Variants in ITGA9 observed in about 807,000 individuals in gnomAD.
ITGA9 encodes the protein integrin alpha-9.
ITGA9 carries 56 observed loss-of-function variants against 127.8 expected under a neutral mutation model. The observed-to-expected ratio is 0.44, with a 90% confidence interval of 0.35 to 0.55. The LOEUF (loss-of-function observed/expected upper bound fraction) is 0.55, where lower values mean the gene tolerates loss of function less well. ITGA9 is among the 20% of genes least tolerant of loss of function. ITGA9 has a pLI of 0.00. For synonymous variants in ITGA9, 508 were observed against 514.5 expected (o/e 0.99, Z 0.17); for missense variants, 1,196 against 1,347.1 (o/e 0.89, Z 1.76).
At chr3:37,766,173 CT>C (rs1237323709) in intron 23 of ITGA9, among the ~76,000 whole-genome samples, 4 of 152,242 alleles carry the variant, frequency 2.6e-5, no homozygotes, top group African/African-American at 7.2e-5. Context: ...CTGCCAAGGA[CT>C]AATTGTGTAT....
At chr3:37,701,722 G>A (rs1700948488) in intron 18 of ITGA9, among the ~76,000 whole-genome samples, 1 of 152,210 alleles carries the variant, frequency 6.6e-6, no homozygotes, top group Non-Finnish European at 1.5e-5. Context: ...GAACATCAGT[G>A]GGGTCTGCGA....
chr3:37,464,483 C>T (rs1365297407), intron 1 of ITGA9, among the ~76,000 whole-genome samples: 7 of 152,102 alleles, frequency 4.6e-5, no homozygotes, highest in Admixed American at 1.3e-4. Flanking sequence ...GTTTTATAAA[C>T]ATTCTTTTGC....
At chr3:37,585,715 T>G in intron 15 of ITGA9, 1 of 494,980 alleles carries the variant, frequency 2.0e-6, no homozygotes, top group Non-Finnish European at 4.1e-6. Flanking sequence ...TGCCTTACTT[T>G]ATTTGCGAAG....
At chr3:37,756,758 A>C in intron 23 of ITGA9, among the ~76,000 whole-genome samples, 1 of 152,218 alleles carries the variant, frequency 6.6e-6, no homozygotes, top group East Asian at 1.9e-4. Context: ...ACATACAACA[A>C]CACAAAAATA....
chr3:37,623,165 G>GTCTTGTCTTC (rs11282166), intron 15 of ITGA9, among the ~76,000 whole-genome samples: 31,177 of 152,018 alleles, frequency 0.21, 3,381 homozygotes, highest in Middle Eastern at 0.27. Context: ...AGTAAAATAT[G>GTCTTGTCTTC]TCAGCACCTT....
intron 17 of ITGA9, among the ~76,000 whole-genome samples, chr3:37,679,960 G>A (rs1343565807): frequency 6.6e-6 from 1 of 152,044 alleles, no homozygotes; most frequent in African/African-American, 2.4e-5. Flanking sequence ...GGGTTGATGG[G>A]GCACATGGGG....
chr3:37,781,189 C>T (rs1447735888), intron 25 of ITGA9, among the ~76,000 whole-genome samples: 1 of 152,220 alleles, frequency 6.6e-6, no homozygotes, highest in African/African-American at 2.4e-5. Flanking sequence ...CTGAGGCTCT[C>T]CAGTTGCCAC....
At chr3:37,748,986 T>C (rs906707846) in intron 22 of ITGA9, 8 of 496,272 alleles carry the variant, frequency 1.6e-5, no homozygotes, top group Non-Finnish European at 2.5e-5. Flanking sequence ...TGACATAGCT[T>C]CTTGTATTAA....
intron 18 of ITGA9, among the ~76,000 whole-genome samples, chr3:37,697,707 T>A (rs531796251): frequency 6.6e-6 from 1 of 152,342 alleles, no homozygotes; most frequent in African/African-American, 2.4e-5. Context: ...GGTGTATATG[T>A]GCCACATTTT....
rs1354689459 is a variant in ITGA9 at position 37,560,476 on chromosome 3, A to G, written c.1689+17891A>G. ...CTTTGGGTATATACCCAGTAATGGG[A>G]TTGCTGGATCAAATGGTGATTCTAG... On this transcript the variant is annotated intron_variant, in intron 15 of 27. Coordinates refer to ENST00000264741, the MANE Select transcript of ITGA9 (RefSeq NM_002207.3). Among the ~76,000 whole-genome samples the G allele has an allele frequency of 3.3e-5, 5 of 152,324 alleles. No individual in the cohort carries two copies. The East Asian group carries it at 9.6e-4, about 29-fold the overall frequency.
At chr3:37,805,189 T>A (rs1305869898) in intron 27 of ITGA9, among the ~76,000 whole-genome samples, 1 of 152,090 alleles carries the variant, frequency 6.6e-6, no homozygotes, top group African/African-American at 2.4e-5. Context: ...TAGCTGGGAC[T>A]ACAGGCATGC....
At chr3:37,481,988 TCA>T (rs1235516905) in intron 4 of ITGA9, among the ~76,000 whole-genome samples, 1 of 152,240 alleles carries the variant, frequency 6.6e-6, no homozygotes, top group Non-Finnish European at 1.5e-5. Flanking sequence ...TCTCTGGACC[TCA>T]GTTTCCTTGT....
intron 15 of ITGA9, among the ~76,000 whole-genome samples, chr3:37,543,074 T>C (rs1387521614): frequency 6.6e-6 from 1 of 152,212 alleles, no homozygotes; most frequent in East Asian, 1.9e-4. Context: ...TTAGGATGCA[T>C]TTTTTGGCAA....
Position 37,473,431 on chromosome 3 carries a change from C to T in ITGA9, c.391C>T (p.Arg131Ter), listed in dbSNP as rs777168600. 5.6e-6 allele frequency: 9 copies of T among 1,613,782 alleles called. No homozygotes were observed. Among genetic ancestry groups the T allele is most frequent in the Admixed American group, 1.7e-5 (1 of 59,994 alleles). Residue 131 changes from arginine to a stop codon, truncating the protein, a stop_gained, in exon 3 of 28, where the codon CGA (arginine) becomes TGA (stop). Coordinates refer to ENST00000264741, the MANE Select transcript of ITGA9 (RefSeq NM_002207.3). LOFTEE classifies it high-confidence loss of function. ...DDEWMGVSLA[R>*]QPKADGRVLA... ...TGAGTGGATGGGGGTGAGCCTGGCC[C>T]GACAGCCCAAGGCTGATGGCCGTGT...
rs998189025 is a variant in ITGA9, at chr3:37,820,746, G to C, written c.*1757G>C. On this transcript the variant is annotated 3_prime_UTR_variant, in exon 28 of 28. Coordinates refer to ENST00000264741, the MANE Select transcript of ITGA9 (RefSeq NM_002207.3). ...CATGGGGCTAAGAGCAGGGTCTAACGGAGTCTTAATGGCTTATTACAGCCT... is the reference window on the plus strand; with the variant it reads ...CATGGGGCTAAGAGCAGGGTCTAACCGAGTCTTAATGGCTTATTACAGCCT... The C allele has an allele frequency of 6.6e-6, 1 of 152,164 alleles. No homozygotes were observed. Among genetic ancestry groups the C allele is most frequent in the African/African-American group, 2.4e-5 (1 of 41,412 alleles). 9.4% of individuals were successfully genotyped at this position (152,164 alleles called of 1,614,324 possible). A position where few individuals can be genotyped will look rare whatever the true frequency, so the allele number is the denominator to read the frequency against.
intron 15 of ITGA9, among the ~76,000 whole-genome samples, chr3:37,592,761 A>G (rs1253648001): frequency 9.2e-5 from 14 of 152,250 alleles, no homozygotes; most frequent in Admixed American, 1.3e-4. Context: ...TCTGAAGGCA[A>G]TGGAGTTAAC....
chr3:37,539,592 C>T (rs1264458955), intron 14 of ITGA9, among the ~76,000 whole-genome samples: 1 of 152,178 alleles, frequency 6.6e-6, no homozygotes, highest in East Asian at 1.9e-4. Flanking sequence ...TTAAAACCTT[C>T]AACAGATGAG....
At chr3:37,661,020 C>T (rs1373831159) in intron 17 of ITGA9, among the ~76,000 whole-genome samples, 1 of 152,212 alleles carries the variant, frequency 6.6e-6, no homozygotes, top group Non-Finnish European at 1.5e-5. Flanking sequence ...TTGGCCACAG[C>T]AAGTCACATG....
At chr3:37,676,400 A>G (rs750716188) in intron 17 of ITGA9, among the ~76,000 whole-genome samples, 18 of 152,320 alleles carry the variant, frequency 1.2e-4, no homozygotes, top group South Asian at 6.2e-4. Flanking sequence ...CATGAACTTC[A>G]GAGTTGTCCC....
Sources: allele counts gnomAD v4.1 joint callset (sites outside exome capture counted in the v4.1 genomes callset), GRCh38; gene constraint gnomAD v4.1.1; transcripts MANE v1.5; gene names NCBI Gene and HGNC (gene_info 2026-07-23, HGNC 2026-07-21).